Variants in LMLN observed in about 807,000 individuals in gnomAD.
The protein encoded by LMLN is leishmanolysin like peptidase.
LMLN carries 70 observed loss-of-function variants against 92.3 expected under a neutral mutation model. The ratio of observed to expected loss-of-function variants is 0.76; its 90% CI spans 0.63 to 0.92. The LOEUF (loss-of-function observed/expected upper bound fraction) is 0.92. Among genes scored for constraint, LMLN ranks in the 40% least tolerant of loss-of-function variants. The pLI is 0.00. For missense variants in LMLN, 691 were observed against 814.6 expected, an observed-to-expected ratio of 0.85 and a Z score of 1.85; for synonymous variants, 308 against 296.2, an observed-to-expected ratio of 1.04 and a Z score of -0.41.
intron 9 of LMLN, 119 bp from the exon 10 acceptor site, chr3:197,996,056 C>T (rs1454021179): frequency 4.4e-6 from 2 of 454,644 alleles, no homozygotes; most frequent in Non-Finnish European, 7.7e-6. Flanking sequence ...AGAAATTCTC[C>T]TTTCTCAACA....
intron 1 of LMLN, among the ~76,000 whole-genome samples, chr3:197,963,987 C>T (rs1471779723): frequency 2.6e-5 from 4 of 152,290 alleles, no homozygotes; most frequent in African/African-American, 9.6e-5. Flanking sequence ...TGAATGGGGA[C>T]AAATTTTGTC....
chr3:198,014,832 C>T (rs1238330803), intron 11 of LMLN, among the ~76,000 whole-genome samples: 1 of 123,378 alleles, frequency 8.1e-6, no homozygotes. Context: ...GACTTCTCTC[C>T]ACCCTTCAGA....
chr3:197,994,106 A>G (rs1349835753), intron 9 of LMLN, among the ~76,000 whole-genome samples: 3 of 152,220 alleles, frequency 2.0e-5, no homozygotes, highest in African/African-American at 7.2e-5. Flanking sequence ...CACACCATAT[A>G]TACAAAAACC....
At chr3:198,027,894 A>G (rs923398090) in intron 14 of LMLN, among the ~76,000 whole-genome samples, 3 of 152,090 alleles carry the variant, frequency 2.0e-5, no homozygotes, top group Non-Finnish European at 2.9e-5. Context: ...TCATATGGCA[A>G]TTCTATGTTT....
At chr3:198,041,920 T>C (rs1435997362) in exon 16 of LMLN, 1 of 152,274 alleles carries the variant, frequency 6.6e-6, no homozygotes, top group East Asian at 1.9e-4. Context: ...ATATTTTTGC[T>C]TTATTTTTTA....
At chr3:197,976,055 T>C in exon 4 of LMLN, 1 of 1,606,112 alleles carries the variant, frequency 6.2e-7, no homozygotes, top group Non-Finnish European at 8.5e-7. Flanking sequence ...AAGCGATTTC[T>C]TATTTAGAGA....
intron 8 of LMLN, among the ~76,000 whole-genome samples, chr3:197,988,616 T>C (rs1721780594): frequency 6.6e-6 from 1 of 150,488 alleles, no homozygotes; most frequent in African/African-American, 2.4e-5. Flanking sequence ...CACCTCAGCC[T>C]CCTGAGTAGC....
At chr3:197,980,615 T>C (rs1721529916) in intron 6 of LMLN, 111 bp downstream of exon 6, 8 of 1,061,238 alleles carry the variant, frequency 7.5e-6, no homozygotes, top group Admixed American at 2.2e-5. Flanking sequence ...AGATTGCCTC[T>C]GGTAGACAGG....
At chr3:198,006,936 C>T (rs1267980528) in intron 11 of LMLN, among the ~76,000 whole-genome samples, 2 of 152,200 alleles carry the variant, frequency 1.3e-5, no homozygotes, top group Non-Finnish European at 2.9e-5. Context: ...TGGTCTCGAA[C>T]TCCTGACCTC....
intron 8 of LMLN, among the ~76,000 whole-genome samples, chr3:197,990,260 C>T (rs767191462): frequency 1.3e-5 from 2 of 151,620 alleles, no homozygotes; most frequent in Non-Finnish European, 2.9e-5. Context: ...ACAAGGTCTT[C>T]CTGTATTGCC....
chr3:198,012,344 C>T (rs1212535996), intron 11 of LMLN, among the ~76,000 whole-genome samples: 2 of 152,208 alleles, frequency 1.3e-5, no homozygotes, highest in African/African-American at 2.4e-5. Context: ...GGATTACAGG[C>T]GGGAGCCACC....
At chr3:198,032,897 C>T (rs9839182) in intron 14 of LMLN, among the ~76,000 whole-genome samples, 45,579 of 152,136 alleles carry the variant, frequency 0.3, 11,267 homozygotes, top group African/African-American at 0.69. Flanking sequence ...TGGCGTCTGT[C>T]TCTGAAACAG....
intron 7 of LMLN, among the ~76,000 whole-genome samples, chr3:197,984,814 C>T (rs1721656919): frequency 6.6e-6 from 1 of 151,498 alleles, no homozygotes; most frequent in African/African-American, 2.4e-5. Flanking sequence ...TAGCTGGGAC[C>T]ACAGGCACGC....
At chr3:198,035,234 C>A (rs1224106279) in intron 14 of LMLN, among the ~76,000 whole-genome samples, 2 of 151,740 alleles carry the variant, frequency 1.3e-5, no homozygotes, top group African/African-American at 4.8e-5. Flanking sequence ...TGTGTGTGCC[C>A]CCTTGTAATT....
At chr3:198,037,034 A>AG (rs755683853) in intron 15 of LMLN, among the ~76,000 whole-genome samples, 7 of 152,130 alleles carry the variant, frequency 4.6e-5, no homozygotes, top group African/African-American at 7.2e-5. Flanking sequence ...CTCATCCCCT[A>AG]GGGGCTGTAG....
At chr3:198,030,936 A>G (rs978687076) in intron 14 of LMLN, among the ~76,000 whole-genome samples, 1 of 150,770 alleles carries the variant, frequency 6.6e-6, no homozygotes, top group Non-Finnish European at 1.5e-5. Context: ...GCCTGCTGAC[A>G]GCGTGGGAAG....
At chr3:197,994,836 C>G (rs1384678236) in intron 9 of LMLN, 1 of 152,240 alleles carries the variant, frequency 6.6e-6, no homozygotes, top group Non-Finnish European at 1.5e-5. Flanking sequence ...ACCATATGCT[C>G]CAACAATCCT....
intron 11 of LMLN, among the ~76,000 whole-genome samples, chr3:198,015,623 C>T (rs1172455423): frequency 2.1e-5 from 3 of 141,294 alleles, no homozygotes; most frequent in African/African-American, 5.4e-5. Flanking sequence ...CTTCAGAGCC[C>T]CCTAACTAGT....
At chr3:198,005,621 CTTTTCT>C (rs1194014921) in intron 11 of LMLN, among the ~76,000 whole-genome samples, 14 of 150,448 alleles carry the variant, frequency 9.3e-5, no homozygotes, top group Non-Finnish European at 1.8e-4. Context: ...CTGAATTTTT[CTTTTCT>C]TTTTCTTTTT....
Sources: allele counts gnomAD v4.1 joint callset (sites outside exome capture counted in the v4.1 genomes callset), GRCh38; gene constraint gnomAD v4.1.1; transcripts MANE v1.5; gene names NCBI Gene and HGNC (gene_info 2026-07-23, HGNC 2026-07-21).